Variants in ENTHD1 observed in about 807,000 individuals in gnomAD.
The protein encoded by ENTHD1 is ENTH domain containing 1.
Under a neutral mutation model 39.1 loss-of-function variants are expected in ENTHD1, and 23 were observed. The ratio of observed to expected loss-of-function variants is 0.59; its 90% CI spans 0.42 to 0.83. The LOEUF is 0.83. Among genes scored for constraint, ENTHD1 ranks in the 40% least tolerant of loss-of-function variants. The pLI is 0.00. For missense variants in ENTHD1, 624 were observed against 705.4 expected, an observed-to-expected ratio of 0.88 and a Z score of 1.31; for synonymous variants, 230 against 258.2, an observed-to-expected ratio of 0.89 and a Z score of 1.05.
At position 39,828,021 on chromosome 22, in the gene ENTHD1, G is replaced by A. The variant is rs148077707; in HGVS notation, c.712-6908C>T. Among the ~76,000 whole-genome samples the A allele has an allele frequency of 2.6e-3, 391 of 152,234 alleles. 1 individual carries two copies. The highest frequency in any genetic ancestry group is 8.9e-3 in the African/African-American group (371 of 41,534). ...CTATAAGATGTAGTTTACTAAAAAA[G>A]CATATCTTGAAATATACATTGAATG... On this transcript the variant is annotated intron_variant, in intron 4 of 6. Transcript: ENST00000325157.
chr22:39,754,268 C>G (rs916155833), intron 6 of ENTHD1, among the ~76,000 whole-genome samples: 2 of 152,212 alleles, frequency 1.3e-5, no homozygotes, highest in Non-Finnish European at 2.9e-5. Flanking sequence ...TTGCCACCCA[C>G]TGCCCTAATT....
At chr22:39,789,607 C>A (rs760714810) in intron 5 of ENTHD1, among the ~76,000 whole-genome samples, 15 of 152,120 alleles carry the variant, frequency 9.9e-5, no homozygotes, top group Non-Finnish European at 2.2e-4. Context: ...TATTCAGGTA[C>A]TAAATTATTC....
intron 5 of ENTHD1, among the ~76,000 whole-genome samples, chr22:39,810,690 T>C (rs2065678770): frequency 6.6e-6 from 1 of 152,232 alleles, no homozygotes; most frequent in South Asian, 2.1e-4. Context: ...CGGTAGATTA[T>C]TGCAAATATA....
At chr22:39,861,229 A>T (rs542178126) in intron 3 of ENTHD1, among the ~76,000 whole-genome samples, 1 of 152,362 alleles carries the variant, frequency 6.6e-6, no homozygotes, top group South Asian at 2.1e-4. Flanking sequence ...ATCAAAGATA[A>T]CTGCATTCAG....
intron 5 of ENTHD1, among the ~76,000 whole-genome samples, chr22:39,780,522 AG>A (rs1601589405): frequency 6.6e-6 from 1 of 152,240 alleles, no homozygotes; most frequent in Admixed American, 6.5e-5. Context: ...GTGAAGGGGT[AG>A]AAAAAGATAC....
At chr22:39,861,588 G>T (rs2066140564) in intron 3 of ENTHD1, among the ~76,000 whole-genome samples, 177 bp downstream of exon 3, 1 of 151,888 alleles carries the variant, frequency 6.6e-6, no homozygotes. Context: ...CTTTAAAAAG[G>T]TCATAAAATC....
chr22:39,808,010 A>G (rs189229041), intron 5 of ENTHD1, among the ~76,000 whole-genome samples: 1 of 152,154 alleles, frequency 6.6e-6, no homozygotes, highest in Admixed American at 6.6e-5. Context: ...GGGTTACACC[A>G]GCAGCTTGGT....
intron 5 of ENTHD1, among the ~76,000 whole-genome samples, chr22:39,810,774 A>G (rs2065679611): frequency 6.6e-6 from 1 of 152,228 alleles, no homozygotes; most frequent in Non-Finnish European, 1.5e-5. Context: ...ACACAGCCCC[A>G]GACATCTATA....
At position 39,862,770 on chromosome 22, in the gene ENTHD1, A is replaced by G. The variant is rs151242075; in HGVS notation, c.350-763T>C. 1.2e-3 allele frequency among the ~76,000 whole-genome samples: 189 copies of G among 152,318 alleles called. 2 individuals are homozygous for G. The highest frequency in any genetic ancestry group is 4.4e-3 in the African/African-American group (181 of 41,580). The stretch of plus-strand genomic sequence containing the variant: ...ATGTACACGGAAGAGAGAAGCAGAT[A>G]AAGAAATACATACAACTGTGGTTTG... On this transcript the variant is annotated intron_variant, in intron 2 of 6. Transcript: ENST00000325157.
rs113686698 is a variant in ENTHD1 at position 39,746,210 on chromosome 22, A to G, written c.1220-1927T>C. On this transcript the variant is annotated intron_variant, in intron 6 of 6. Transcript: ENST00000325157. ...TTTCTTTCCCATTTTCCCCGCCTCCATCTTTCTGCTTTACTTCAATGTAGA... is the reference window on the plus strand; with the variant it reads ...TTTCTTTCCCATTTTCCCCGCCTCCGTCTTTCTGCTTTACTTCAATGTAGA... 4.1e-4 allele frequency among the ~76,000 whole-genome samples: 62 copies of G among 152,046 alleles called. 1 individual carries two copies. The highest frequency in any genetic ancestry group is 1.4e-3 in the African/African-American group (57 of 41,470).
chr22:39,743,692 G>C lies in ENTHD1; in HGVS notation c.1811C>G (p.Ser604Ter). ...SQVPQSSEGS[S>*]DQI ...ATATTGTGATGATTAGATCTGATCT[G>C]AGCTCCCCTCAGAAGACTGGGGGAC... Residue 604 changes from serine (S) to a stop codon, truncating the protein, a stop_gained, in exon 7 of 7, where the codon TCA becomes TGA. Coordinates refer to ENST00000325157, the MANE Select transcript of ENTHD1 (RefSeq NM_152512.4). LOFTEE classifies it high-confidence loss of function. 6.2e-7 allele frequency: 1 copy of C among 1,609,296 alleles called. No individual in the cohort carries two copies. The highest frequency in any genetic ancestry group is 1.1e-5 in the South Asian group (1 of 90,116).
At chr22:39,751,803 G>A (rs1019686398) in intron 6 of ENTHD1, among the ~76,000 whole-genome samples, 2 of 152,170 alleles carry the variant, frequency 1.3e-5, no homozygotes, top group Non-Finnish European at 2.9e-5. Flanking sequence ...ACTGTTAAAT[G>A]TTAAAAGTAG....
chr22:39,761,697 A>G (rs1403817842), intron 6 of ENTHD1, among the ~76,000 whole-genome samples: 3 of 151,658 alleles, frequency 2.0e-5, no homozygotes, highest in Non-Finnish European at 2.9e-5. Context: ...TCTTTCTTTC[A>G]TTTTTAATCT....
Position 39,743,555 on chromosome 22 carries a change from A to T in ENTHD1, c.*124T>A, listed in dbSNP as rs1350362974. ...TAGTTTGAAAGATACTTGCTAATAA[A>T]CCTGACAAGGAAAAATTAAACCATC... On this transcript the variant is annotated 3_prime_UTR_variant, in exon 7 of 7. Transcript: ENST00000325157. 1 of 1,193,176 alleles carries T rather than the reference A, an allele frequency of 8.4e-7. No homozygotes were observed. Among genetic ancestry groups the T allele is most frequent in the East Asian group, 2.5e-5 (1 of 39,882 alleles). The allele number at this position is 1,193,176 out of a possible 1,614,324, so 73.9% of individuals were successfully genotyped here. A position where few individuals can be genotyped will look rare whatever the true frequency, so the allele number is the denominator to read the frequency against.
intron 4 of ENTHD1, among the ~76,000 whole-genome samples, chr22:39,829,520 C>T (rs2065850954): frequency 6.6e-6 from 1 of 152,132 alleles, no homozygotes; most frequent in African/African-American, 2.4e-5. Context: ...CACGGTAGCT[C>T]ACGCCTGTTA....
intron 5 of ENTHD1, among the ~76,000 whole-genome samples, chr22:39,767,601 G>T (rs990455725): frequency 1.3e-5 from 2 of 152,164 alleles, no homozygotes; most frequent in Non-Finnish European, 2.9e-5. Flanking sequence ...GTGAATTTTA[G>T]TTAAATATTT....
chr22:39,747,028 C>A (rs921255141), intron 6 of ENTHD1, among the ~76,000 whole-genome samples: 1 of 152,132 alleles, frequency 6.6e-6, no homozygotes, highest in Non-Finnish European at 1.5e-5. Flanking sequence ...CTTGCTCTGT[C>A]ACCCAGACTG....
intron 5 of ENTHD1, among the ~76,000 whole-genome samples, chr22:39,776,023 G>T (rs2065362947): frequency 6.6e-6 from 1 of 151,950 alleles, no homozygotes; most frequent in Non-Finnish European, 1.5e-5. Flanking sequence ...AGTAGCTGAG[G>T]ACCATAGGCA....
intron 4 of ENTHD1, among the ~76,000 whole-genome samples, chr22:39,821,756 T>TTA (rs1238367242): frequency 6.6e-6 from 1 of 152,132 alleles, no homozygotes; most frequent in Non-Finnish European, 1.5e-5. Context: ...GTTTGGGAGG[T>TTA]TAGCAAGTCA....
Sources: gnomAD v4.1 joint callset for allele counts (sites outside exome capture counted in the v4.1 genomes callset) on GRCh38, gnomAD v4.1.1 for gene constraint, MANE v1.5 for transcripts, NCBI Gene and HGNC (gene_info 2026-07-23, HGNC 2026-07-21) for gene names.